The following MKLN1 variants were observed in gnomAD, a reference collection of about 807,000 sequenced individuals.
MKLN1 encodes muskelin.
MKLN1 carries 18 observed loss-of-function variants against 99.0 expected under a neutral mutation model. That is an observed-to-expected ratio of 0.18 (90% CI 0.13 to 0.27). MKLN1 has a LOEUF of 0.27. MKLN1 is among the 10% of genes least tolerant of loss of function. The pLI is 1.00. For synonymous variants in MKLN1, 288 were observed against 293.2 expected (o/e 0.98, Z 0.18); for missense variants, 621 against 875.9 (o/e 0.71, Z 3.67).
intron 3 of MKLN1, among the ~76,000 whole-genome samples, chr7:131,317,153 T>C (rs984958372): frequency 6.6e-6 from 1 of 151,998 alleles, no homozygotes; most frequent in Non-Finnish European, 1.5e-5. Context: ...CACATAATCA[T>C]CAGATTCCCA....
chr7:131,132,983 A>AAAGAAAGAAAGAAAGACAG (rs1554526897), intron 1 of MKLN1, among the ~76,000 whole-genome samples: 1 of 137,358 alleles, frequency 7.3e-6, no homozygotes, highest in African/African-American at 2.7e-5. Context: ...AAGAAAGAAA[A>AAAGAAAGAAAGAAAGACAG]ACCAGAGCAT....
chr7:131,187,639 C>A (rs1391057099), intron 2 of MKLN1, among the ~76,000 whole-genome samples: 1 of 152,128 alleles, frequency 6.6e-6, no homozygotes, highest in Non-Finnish European at 1.5e-5. Context: ...AAGTGTTTGC[C>A]AATCCTAGGC....
intron 3 of MKLN1, among the ~76,000 whole-genome samples, chr7:131,209,855 C>T (rs13224924): frequency 0.18 from 27,805 of 151,980 alleles, 2,992 homozygotes; most frequent in Non-Finnish European, 0.25. Flanking sequence ...GGAATACCAT[C>T]GCAATAGTTG....
chr7:131,405,079 A>G (rs1741734224), intron 6 of MKLN1, among the ~76,000 whole-genome samples: 1 of 152,160 alleles, frequency 6.6e-6, no homozygotes, highest in African/African-American at 2.4e-5. Flanking sequence ...AGGTTTATTA[A>G]ATGATATTTT....
intron 2 of MKLN1, among the ~76,000 whole-genome samples, chr7:131,176,871 C>T (rs1796306847): frequency 1.3e-5 from 2 of 152,218 alleles, no homozygotes; most frequent in African/African-American, 4.8e-5. Context: ...GAAACAGTGA[C>T]AGCCATCAAT....
At chr7:131,378,634 A>G (rs1793738672) in intron 2 of MKLN1, among the ~76,000 whole-genome samples, 1 of 152,170 alleles carries the variant, frequency 6.6e-6, no homozygotes, top group Admixed American at 6.5e-5. Context: ...GTTTGAGATC[A>G]GTCTGGGCAA....
At chr7:131,193,917 A>G (rs1175105923) in intron 2 of MKLN1, among the ~76,000 whole-genome samples, 1 of 151,916 alleles carries the variant, frequency 6.6e-6, no homozygotes, top group East Asian at 1.9e-4. Context: ...CATGAGCCAC[A>G]GGACCTTGTC....
chr7:131,300,716 A>G (rs1409883878), intron 3 of MKLN1, among the ~76,000 whole-genome samples: 1 of 151,936 alleles, frequency 6.6e-6, no homozygotes, highest in Non-Finnish European at 1.5e-5. Context: ...AAAAAGAAAA[A>G]AAAAGAATGT....
chr7:131,372,258 T>C (rs1793485651), intron 1 of MKLN1, among the ~76,000 whole-genome samples: 1 of 152,114 alleles, frequency 6.6e-6, no homozygotes, highest in East Asian at 1.9e-4. Flanking sequence ...TCTTTAGCTT[T>C]TAATTGTCCT....
At chr7:131,417,554 A>C (rs1795055366) in intron 8 of MKLN1, among the ~76,000 whole-genome samples, 1 of 152,214 alleles carries the variant, frequency 6.6e-6, no homozygotes, top group African/African-American at 2.4e-5. Context: ...ATACGTGGAC[A>C]TTGAGGTCGA....
chr7:131,133,815 A>ATTCT, intron 1 of MKLN1, among the ~76,000 whole-genome samples: 1 of 51,646 alleles, frequency 1.9e-5, no homozygotes, highest in Non-Finnish European at 3.3e-5. Flanking sequence ...TTTTTTTTTA[A>ATTCT]TTTGGTTTTT....
At chr7:131,229,839 C>T (rs1194927596) in intron 3 of MKLN1, among the ~76,000 whole-genome samples, 1 of 152,188 alleles carries the variant, frequency 6.6e-6, no homozygotes, top group African/African-American at 2.4e-5. Flanking sequence ...CAAGCCCAAG[C>T]CACCACACTT....
rs1430214814 is a variant in MKLN1 at position 131,495,347 on chromosome 7, TCTC to T, written c.*7622_*7624del. 3 of 152,162 alleles carry T rather than the reference TCTC, an allele frequency of 2.0e-5. No individual in the cohort carries two copies. Among genetic ancestry groups the T allele is most frequent in the African/African-American group, 7.2e-5 (3 of 41,440 alleles). 9.4% of individuals were successfully genotyped at this position (152,162 alleles called of 1,614,324 possible). On this transcript the variant is annotated 3_prime_UTR_variant, in exon 18 of 18. Transcript: ENST00000352689. ...ATCGCTCCTTCTGTTTGTGAAAACA[TCTC>T]CTGGACTGGAAATGTGGTGCTGTAA...
At chr7:131,219,832 CA>C (rs974846501) in intron 3 of MKLN1, among the ~76,000 whole-genome samples, 1 of 151,962 alleles carries the variant, frequency 6.6e-6, no homozygotes, top group Non-Finnish European at 1.5e-5. Flanking sequence ...AATAGAGAGA[CA>C]AAAAAAGTTT....
chr7:131,316,087 G>A (rs1798663619), intron 3 of MKLN1, among the ~76,000 whole-genome samples: 1 of 152,186 alleles, frequency 6.6e-6, no homozygotes, highest in Non-Finnish European at 1.5e-5. Context: ...GCAAAGGGAT[G>A]AAGTGCCTCC....
intron 16 of MKLN1, among the ~76,000 whole-genome samples, chr7:131,475,429 G>GA (rs1370388799): frequency 6.6e-6 from 1 of 152,070 alleles, no homozygotes; most frequent in Non-Finnish European, 1.5e-5. Flanking sequence ...AAAGAAGGAA[G>GA]AAAAAAATAC....
At chr7:131,350,594 G>T (rs1438020354) in intron 1 of MKLN1, among the ~76,000 whole-genome samples, 1 of 152,150 alleles carries the variant, frequency 6.6e-6, no homozygotes, top group African/African-American at 2.4e-5. Context: ...TCAGTTTCTT[G>T]CAAGTTGTTG....
chr7:131,170,001 G>T (rs1464627605), intron 2 of MKLN1, among the ~76,000 whole-genome samples: 1 of 152,044 alleles, frequency 6.6e-6, no homozygotes, highest in Admixed American at 6.6e-5. Flanking sequence ...GAGGTGGGAG[G>T]ATCGCTTGAG....
chr7:131,283,373 C>T (rs1798086345), intron 3 of MKLN1, among the ~76,000 whole-genome samples: 1 of 117,620 alleles, frequency 8.5e-6, no homozygotes, highest in Non-Finnish European at 1.7e-5. Flanking sequence ...TCCTTCCTTC[C>T]TTCCTTCCTT....
Sources: gnomAD v4.1 joint callset for allele counts (sites outside exome capture counted in the v4.1 genomes callset) on GRCh38, gnomAD v4.1.1 for gene constraint, MANE v1.5 for transcripts, NCBI Gene and HGNC (gene_info 2026-07-23, HGNC 2026-07-21) for gene names.